Variants in PROM1 observed in about 807,000 individuals in gnomAD.
PROM1 encodes prominin 1.
A neutral mutation model predicts 116.9 loss-of-function variants in PROM1; 105 were observed. The observed-to-expected ratio is 0.90, with a 90% CI of 0.77 to 1.06. PROM1 has a LOEUF of 1.06. PROM1 is among the 50% of genes least tolerant of loss of function. The pLI is 0.00. For synonymous variants in PROM1, 393 were observed against 387.0 expected (o/e 1.02, Z -0.18); for missense variants, 1,122 against 1,045.2 (o/e 1.07, Z -1.01).
rs577308435 is a variant in PROM1 at position 16,054,266 on chromosome 4, A to C, written c.221-15265T>G. On this transcript the variant is annotated intron_variant, in intron 2 of 27. Transcript: ENST00000447510. The stretch of plus-strand genomic sequence containing the variant: ...CCATTCTATACAGCGCTATCAAGTT[A>C]ATCAGTCTATCTAACCCCTTTTACG... Among the ~76,000 whole-genome samples, 4 of 152,202 alleles carry C rather than the reference A, an allele frequency of 2.6e-5. No homozygotes were observed. The East Asian group carries it at 7.7e-4, about 29-fold the overall frequency.
At chr4:15,996,218 T>C (rs537622638) in intron 15 of PROM1, among the ~76,000 whole-genome samples, 1 of 152,270 alleles carries the variant, frequency 6.6e-6, no homozygotes, top group South Asian at 2.1e-4. Context: ...GTAATAGAAA[T>C]AAACAGTAAT....
At chr4:16,064,206 C>T (rs1740995659) in intron 2 of PROM1, among the ~76,000 whole-genome samples, 2 of 152,108 alleles carry the variant, frequency 1.3e-5, no homozygotes, top group Admixed American at 6.5e-5. Flanking sequence ...ATGGCCCCAA[C>T]CAAAAACCTC....
At chr4:15,976,863 C>A (rs976774673) in intron 26 of PROM1, among the ~76,000 whole-genome samples, 3 of 152,172 alleles carry the variant, frequency 2.0e-5, no homozygotes, top group African/African-American at 7.2e-5. Context: ...GCATGGTCAG[C>A]AGAGAGCCTC....
At chr4:16,045,181 T>C (rs1396266786) in intron 2 of PROM1, among the ~76,000 whole-genome samples, 1 of 152,110 alleles carries the variant, frequency 6.6e-6, no homozygotes, top group Non-Finnish European at 1.5e-5. Context: ...CCCGACTCTA[T>C]TCCCCAGCTC....
At chr4:16,026,070 C>T (rs1201950742) in intron 5 of PROM1, among the ~76,000 whole-genome samples, 1 of 152,118 alleles carries the variant, frequency 6.6e-6, no homozygotes, top group Non-Finnish European at 1.5e-5. Context: ...CGCATATGTA[C>T]TTGTGAAAAG....
chr4:16,003,402 C>T, intron 13 of PROM1: 1 of 456,744 alleles, frequency 2.2e-6, no homozygotes, highest in Admixed American at 2.3e-5. Flanking sequence ...GGTCTTTTTA[C>T]AGCCCTTGCT....
intron 26 of PROM1, among the ~76,000 whole-genome samples, chr4:15,974,391 A>G (rs999386909): frequency 6.6e-6 from 1 of 152,276 alleles, no homozygotes; most frequent in Non-Finnish European, 1.5e-5. Flanking sequence ...TGTATAATGG[A>G]CTAATTACAG....
At chr4:16,073,762 G>T (rs947236278) in intron 2 of PROM1, among the ~76,000 whole-genome samples, 3 of 152,074 alleles carry the variant, frequency 2.0e-5, no homozygotes, top group African/African-American at 7.2e-5. Flanking sequence ...CCCTCCTTCG[G>T]TCTAACAATG....
At chr4:15,999,620 C>T (rs1577937334) in intron 14 of PROM1, among the ~76,000 whole-genome samples, 1 of 152,144 alleles carries the variant, frequency 6.6e-6, no homozygotes, top group African/African-American at 2.4e-5. Context: ...TGATTCGACA[C>T]TCTACAGGAG....
intron 2 of PROM1, among the ~76,000 whole-genome samples, chr4:16,064,592 C>T (rs1053739659): frequency 6.6e-6 from 1 of 152,166 alleles, no homozygotes; most frequent in Non-Finnish European, 1.5e-5. Flanking sequence ...GCATATTATA[C>T]TTTAACATTA....
At chr4:16,020,787 A>G (rs549129725) in intron 8 of PROM1, among the ~76,000 whole-genome samples, 119 of 152,350 alleles carry the variant, frequency 7.8e-4, no homozygotes, top group Middle Eastern at 3.4e-3. Flanking sequence ...TGTCACACGG[A>G]GGACTCAGAA....
At chr4:16,069,717 G>T (rs1742367840) in intron 2 of PROM1, among the ~76,000 whole-genome samples, 1 of 152,048 alleles carries the variant, frequency 6.6e-6, no homozygotes, top group Admixed American at 6.6e-5. Context: ...AAAGTTATTG[G>T]AAGTATTCAG....
intron 2 of PROM1, among the ~76,000 whole-genome samples, chr4:16,056,755 C>A (rs144322343): frequency 6.6e-6 from 1 of 152,012 alleles, no homozygotes; most frequent in African/African-American, 2.4e-5. Flanking sequence ...GGCTTAGGAG[C>A]GTTTGGCATG....
intron 13 of PROM1, among the ~76,000 whole-genome samples, chr4:16,002,963 G>C (rs570609635): frequency 9.7e-4 from 147 of 152,268 alleles, no homozygotes; most frequent in African/African-American, 2.9e-3. Context: ...TAAGATGAAA[G>C]AGCAAAAGAA....
chr4:16,038,646 C>A (rs942563601), intron 3 of PROM1, among the ~76,000 whole-genome samples: 1 of 152,174 alleles, frequency 6.6e-6, no homozygotes, highest in Non-Finnish European at 1.5e-5. Context: ...GGTGATCTGC[C>A]CGCCTCAGCC....
chr4:16,050,755 A>AT (rs1206335942), intron 2 of PROM1, among the ~76,000 whole-genome samples: 1 of 152,234 alleles, frequency 6.6e-6, no homozygotes, highest in Non-Finnish European at 1.5e-5. Flanking sequence ...GTTTATTCTG[A>AT]TGCAAAAAAA....
In PROM1 at chr4:15,989,834, G is replaced by C. The variant is rs1720536932; in HGVS notation, c.1984-10C>G. On this transcript the variant is annotated splice_polypyrimidine_tract_variant and intron_variant, in intron 18 of 27. Coordinates refer to ENST00000447510, the MANE Select transcript of PROM1 (RefSeq NM_006017.3). Reference sequence around the variant, plus strand: ...TCAAATTTCCTGGGGGCTACAAAAAGAATAAAAAACAAAGATCAATACCAT... The same window carrying C: ...TCAAATTTCCTGGGGGCTACAAAAACAATAAAAAACAAAGATCAATACCAT... 2.5e-6 allele frequency: 4 copies of C among 1,579,838 alleles called. No homozygotes were observed. The African/African-American group carries it at 5.4e-5, about 21-fold the overall frequency.
chr4:15,984,978 A>T (rs1718960683), intron 22 of PROM1, among the ~76,000 whole-genome samples: 1 of 152,198 alleles, frequency 6.6e-6, no homozygotes, highest in South Asian at 2.1e-4. Flanking sequence ...TAAGACATGG[A>T]ACTGACGGCT....
chr4:16,008,919 G>A (rs777838005), intron 12 of PROM1, 30 bp downstream of exon 12: 58 of 1,534,978 alleles, frequency 3.8e-5, no homozygotes, highest in African/African-American at 2.8e-4. Context: ...GTTCACTCTC[G>A]TAGTTCACCA....
Sources: allele counts gnomAD v4.1 joint callset (sites outside exome capture counted in the v4.1 genomes callset), GRCh38; gene constraint gnomAD v4.1.1; transcripts MANE v1.5; gene names NCBI Gene and HGNC (gene_info 2026-07-23, HGNC 2026-07-21).